The following PRKN variants were observed in gnomAD, a reference collection of about 807,000 sequenced individuals.
PRKN encodes parkin RBR E3 ubiquitin protein ligase.
PRKN carries 56 observed loss-of-function variants against 59.5 expected under a neutral mutation model. That is an observed-to-expected ratio of 0.94 (90% CI 0.76 to 1.18). PRKN has a LOEUF of 1.18. Among genes scored for constraint, PRKN ranks in the 50% most tolerant of loss-of-function variants. PRKN has a pLI of 0.00. For missense variants in PRKN, 657 were observed against 596.4 expected, an observed-to-expected ratio of 1.10 and a Z score of -1.06; for synonymous variants, 250 against 222.1, an observed-to-expected ratio of 1.13 and a Z score of -1.12.
chr6:162,180,947 C>T (rs776132880), intron 4 of PRKN, among the ~76,000 whole-genome samples: 22 of 152,166 alleles, frequency 1.4e-4, no homozygotes, highest in Non-Finnish European at 2.6e-4. Context: ...AGGCAAAATC[C>T]AAATAACATG....
At chr6:162,267,454 A>T (rs529443700) in intron 2 of PRKN, among the ~76,000 whole-genome samples, 1 of 152,246 alleles carries the variant, frequency 6.6e-6, no homozygotes, top group South Asian at 2.1e-4. Context: ...GAAGAAAGAG[A>T]TTTTCGGTGG....
intron 3 of PRKN, 50 bp from the exon 4 acceptor site, chr6:162,201,302 GA>G (rs760094805): frequency 3.4e-5 from 54 of 1,598,264 alleles, no homozygotes; most frequent in Non-Finnish European, 4.4e-5. Flanking sequence ...CATCTAAATT[GA>G]GACAAGAAAC....
Position 162,570,623 on chromosome 6 carries a change from G to C in PRKN, c.8-127150C>G, listed in dbSNP as rs183437809. 2.5e-4 allele frequency among the ~76,000 whole-genome samples: 38 copies of C among 152,246 alleles called. No individual in the cohort carries two copies. The East Asian group carries it at 5.4e-3, about 22-fold the overall frequency. On this transcript the variant is annotated intron_variant, in intron 1 of 11. Transcript: ENST00000366898. Reference sequence around the variant, plus strand: ...GAAAACGTGGTACACATGTACAATGGAGTACTATTCAGCCATAAAAAAGAG... The same window carrying C: ...GAAAACGTGGTACACATGTACAATGCAGTACTATTCAGCCATAAAAAAGAG...
Position 161,578,379 on chromosome 6 carries a change from C to G in PRKN, c.872-8963G>C, listed in dbSNP as rs1175702828. On this transcript the variant is annotated intron_variant, in intron 7 of 11. Coordinates refer to ENST00000366898, the MANE Select transcript of PRKN (RefSeq NM_004562.3). The surrounding 1 kb of genome is among the most constrained non-coding windows in gnomAD (Gnocchi z 4.2). Reference sequence around the variant, plus strand: ...CACTGTTTGCTTCAAGAAACTCCTGCAAATAATTTAACCAGACAGTTTGCT... The same window carrying G: ...CACTGTTTGCTTCAAGAAACTCCTGGAAATAATTTAACCAGACAGTTTGCT... Among the ~76,000 whole-genome samples, 2 of 152,156 alleles carry G rather than the reference C, an allele frequency of 1.3e-5. No homozygotes were observed. Among genetic ancestry groups the G allele is most frequent in the African/African-American group, 4.8e-5 (2 of 41,434 alleles).
chr6:162,210,711 T>C (rs1349053844), intron 3 of PRKN, among the ~76,000 whole-genome samples: 1 of 152,174 alleles, frequency 6.6e-6, no homozygotes, highest in Admixed American at 6.5e-5. Flanking sequence ...GTGAATCACT[T>C]TTTTATTATG....
chr6:162,256,020 C>G (rs1484934491), intron 3 of PRKN, among the ~76,000 whole-genome samples: 2 of 152,034 alleles, frequency 1.3e-5, no homozygotes, highest in East Asian at 1.9e-4. Flanking sequence ...GAATTAGAAT[C>G]TAATAACACA....
chr6:162,559,594 C>A (rs1779752998), intron 1 of PRKN, among the ~76,000 whole-genome samples: 2 of 152,168 alleles, frequency 1.3e-5, no homozygotes, highest in African/African-American at 4.8e-5. Flanking sequence ...GTTGGAATCA[C>A]TGGTAAAAGG....
intron 4 of PRKN, among the ~76,000 whole-genome samples, chr6:162,080,311 C>T (rs1583002965): frequency 6.6e-6 from 1 of 152,072 alleles, no homozygotes; most frequent in East Asian, 1.9e-4. Flanking sequence ...ATAGTATCAG[C>T]TCTCGATATC....
intron 1 of PRKN, among the ~76,000 whole-genome samples, chr6:162,598,595 G>A (rs542024667): frequency 1.3e-5 from 2 of 152,282 alleles, no homozygotes. Flanking sequence ...GCTCAAGCCT[G>A]TAAACCCAGA....
At chr6:162,179,988 G>C (rs1166213904) in intron 4 of PRKN, among the ~76,000 whole-genome samples, 1 of 151,002 alleles carries the variant, frequency 6.6e-6, no homozygotes, top group Non-Finnish European at 1.5e-5. Flanking sequence ...GTGTGTGTGT[G>C]TGTGTGTGTG....
At chr6:162,690,000 T>C (rs193158068) in intron 1 of PRKN, among the ~76,000 whole-genome samples, 1 of 152,254 alleles carries the variant, frequency 6.6e-6, no homozygotes, top group Admixed American at 6.5e-5. Context: ...GAATAGGATG[T>C]ATTATGTCCT....
rs1205195581 is a variant in PRKN, at chr6:161,699,575, A to G, written c.871+86197T>C. ...TATAATCTCAATACCGTGTATCTCA[A>G]TATAATTAGGCTGAGTATAAAAAGC... On this transcript the variant is annotated intron_variant, in intron 7 of 11. Transcript: ENST00000366898. Among the ~76,000 whole-genome samples, 20 of 152,194 alleles carry G rather than the reference A, an allele frequency of 1.3e-4. 1 individual carries two copies. The highest frequency in any genetic ancestry group is 1.3e-3 in the Admixed American group (20 of 15,270).
At chr6:162,313,407 T>C (rs1466084791) in intron 2 of PRKN, among the ~76,000 whole-genome samples, 1 of 152,188 alleles carries the variant, frequency 6.6e-6, no homozygotes, top group Non-Finnish European at 1.5e-5. Context: ...AAGGTCTTTG[T>C]TGCTGCATGT....
chr6:162,131,931 A>C (rs994372024), intron 4 of PRKN, among the ~76,000 whole-genome samples: 1 of 152,242 alleles, frequency 6.6e-6, no homozygotes, highest in Non-Finnish European at 1.5e-5. Flanking sequence ...CTTCAAGGAC[A>C]TCACGGGCTG....
chr6:162,727,352 C>A, intron 1 of PRKN: 2 of 434,170 alleles, frequency 4.6e-6, no homozygotes, highest in Non-Finnish European at 4.1e-6. Context: ...CTTCGGGACC[C>A]CACACGGTCC....
chr6:162,474,413 T>C (rs1270132225), intron 1 of PRKN, among the ~76,000 whole-genome samples: 1 of 152,154 alleles, frequency 6.6e-6, no homozygotes, highest in Non-Finnish European at 1.5e-5. Context: ...TACTTCTTTG[T>C]TAGGTTACTT....
At chr6:161,803,222 C>G (rs1791164484) in intron 6 of PRKN, among the ~76,000 whole-genome samples, 1 of 152,318 alleles carries the variant, frequency 6.6e-6, no homozygotes, top group East Asian at 1.9e-4. Context: ...GGTTTTGCCA[C>G]TTCTTTGGGT....
intron 3 of PRKN, among the ~76,000 whole-genome samples, chr6:162,203,037 C>T (rs943734342): frequency 6.6e-6 from 1 of 152,104 alleles, no homozygotes; most frequent in Non-Finnish European, 1.5e-5. Flanking sequence ...GTCAGGGCTG[C>T]AAATACGCTA....
intron 2 of PRKN, among the ~76,000 whole-genome samples, chr6:162,375,919 C>T (rs917209493): frequency 6.6e-6 from 1 of 151,996 alleles, no homozygotes; most frequent in Admixed American, 6.6e-5. Context: ...AGGTCTGAGT[C>T]CCCTGTCTGT....
Sources: allele counts gnomAD v4.1 joint callset (sites outside exome capture counted in the v4.1 genomes callset), GRCh38; gene constraint gnomAD v4.1.1; non-coding constraint Gnocchi (gnomAD v3.1); transcripts MANE v1.5; gene names NCBI Gene and HGNC (gene_info 2026-07-23, HGNC 2026-07-21).